CCDC69: variants seen among roughly 807,000 people sequenced by gnomAD.
The protein encoded by CCDC69 is coiled-coil domain containing 69.
Under a neutral mutation model 40.3 loss-of-function variants are expected in CCDC69, and 38 were observed. That is an observed-to-expected ratio of 0.94 (90% CI 0.73 to 1.24). The LOEUF (loss-of-function observed/expected upper bound fraction) is 1.24. Ranked by LOEUF, CCDC69 falls within the 50% of genes most tolerant of loss-of-function variation. The pLI, the probability that CCDC69 is intolerant of heterozygous loss-of-function variation, is 0.00. For synonymous variants in CCDC69, 141 were observed against 138.9 expected (o/e 1.02, Z -0.11); for missense variants, 389 against 357.9 (o/e 1.09, Z -0.70).
chr5:151,210,570 TA>T lies in CCDC69; in HGVS notation c.49-5096del, dbSNP rs1479142270. The T allele has an allele frequency of 1.3e-4, 19 of 151,796 alleles. 1 individual carries two copies. The highest frequency in any genetic ancestry group is 1.2e-3 in the Admixed American group (19 of 15,242). 9.4% of individuals were successfully genotyped at this position (151,796 alleles called of 1,614,324 possible). The stretch of plus-strand genomic sequence containing the variant: ...AAAAATAAAAAATTAAAATTAAAAT[TA>T]AAAAATAAACATATTGATTTGTAAA... On this transcript the variant is annotated intron_variant, in intron 1 of 8. Transcript: ENST00000355417.
chr5:151,187,424 G>A lies in CCDC69; in HGVS notation c.355C>T (p.Leu119Phe), dbSNP rs147336268. 5.0e-6 allele frequency: 8 copies of A among 1,614,096 alleles called. No individual in the cohort carries two copies. The South Asian group carries it at 8.8e-5, about 18-fold the overall frequency. ...RASYEQEKEA[L>F]THSFREASST... Reference sequence around the variant, plus strand: ...CTGGCCTCCCGGAAAGAGTGGGTAAGCGCTTCTTTCTCCTGTTCATATGAG... The same window carrying A: ...CTGGCCTCCCGGAAAGAGTGGGTAAACGCTTCTTTCTCCTGTTCATATGAG... The change falls in exon 5 of 9, where the codon CTT (leucine) becomes TTT (phenylalanine). Residue 119 changes from leucine to phenylalanine, a missense_variant. Leu to Phe is a conservative substitution (Grantham distance 22). Transcript: ENST00000355417.
intron 1 of CCDC69, among the ~76,000 whole-genome samples, chr5:151,220,794 C>A (rs979959112): frequency 6.3e-4 from 36 of 57,538 alleles, no homozygotes; most frequent in African/African-American, 2.3e-3. Context: ...CAGTCCCCAC[C>A]CCCCCTCCGC....
At position 151,189,053 on chromosome 5, in the gene CCDC69, AAAG is replaced by A. The variant is rs543318780; in HGVS notation, c.320-1597_320-1595del. Among the ~76,000 whole-genome samples the A allele has an allele frequency of 9.5e-4, 145 of 152,346 alleles. 1 individual carries two copies. The highest frequency in any genetic ancestry group is 3.2e-3 in the African/African-American group (133 of 41,574). The stretch of plus-strand genomic sequence containing the variant: ...TACAATACAAAATCACTCAGCCTAA[AAAG>A]AAGCAGAAGAAAAACTCCCTTGAGG... On this transcript the variant is annotated intron_variant, in intron 4 of 8. Transcript: ENST00000355417.
chr5:151,219,126 T>G (rs1405013489), intron 1 of CCDC69, among the ~76,000 whole-genome samples: 1 of 152,166 alleles, frequency 6.6e-6, no homozygotes, highest in Non-Finnish European at 1.5e-5. Context: ...AACATCTCCA[T>G]GATGGTTGGG....
chr5:151,218,337 G>A (rs1753082379), intron 1 of CCDC69, among the ~76,000 whole-genome samples: 2 of 152,136 alleles, frequency 1.3e-5, no homozygotes, highest in Non-Finnish European at 1.5e-5. Context: ...CTCCCAGTCT[G>A]GCCCTCTCCC....
chr5:151,185,230 T>A lies in CCDC69; in HGVS notation c.615+192A>T. On this transcript the variant is annotated intron_variant, in intron 7 of 8. Coordinates refer to ENST00000355417, the MANE Select transcript of CCDC69 (RefSeq NM_015621.3). ...AGCCTCAAAAGGCACAGGACTCAGA[T>A]GATAAGGAGCCACTGCTTGACCCAG... is the stretch of plus-strand genomic sequence containing the variant. The A allele has an allele frequency of 1.1e-5, 6 of 563,388 alleles. No individual in the cohort carries two copies. In the South Asian group the frequency reaches 1.1e-4, roughly 11 times the overall value. The allele number at this position is 563,388 out of a possible 1,614,324, so 34.9% of individuals were successfully genotyped here.
intron 1 of CCDC69, among the ~76,000 whole-genome samples, chr5:151,216,200 C>T (rs111669601): frequency 0.094 from 14,323 of 152,200 alleles, 733 homozygotes; most frequent in Middle Eastern, 0.14. Context: ...CTCAGGTGAT[C>T]TGCCCGCCTT....
intron 1 of CCDC69, among the ~76,000 whole-genome samples, chr5:151,223,144 C>A (rs1427890435): frequency 1.3e-5 from 2 of 152,212 alleles, no homozygotes; most frequent in South Asian, 4.1e-4. Context: ...TAGCTCCAGG[C>A]TCTGACCTTC....
intron 3 of CCDC69, among the ~76,000 whole-genome samples, chr5:151,200,327 G>A (rs945803229): frequency 6.6e-6 from 1 of 151,858 alleles, no homozygotes; most frequent in Non-Finnish European, 1.5e-5. Flanking sequence ...TTGTAGAGAC[G>A]GTGGTCTCGC....
At chr5:151,206,186 C>A (rs146225350) in intron 1 of CCDC69, among the ~76,000 whole-genome samples, 6 of 152,198 alleles carry the variant, frequency 3.9e-5, no homozygotes, top group Non-Finnish European at 8.8e-5. Context: ...CTTATAATGA[C>A]TGGTTTATTG....
chr5:151,217,719 C>T (rs925634290), intron 1 of CCDC69, among the ~76,000 whole-genome samples: 1 of 152,168 alleles, frequency 6.6e-6, no homozygotes, highest in African/African-American at 2.4e-5. Flanking sequence ...AAATTTCCCT[C>T]TTCTTGTTGG....
chr5:151,198,795 T>C (rs751840447), intron 4 of CCDC69: 8 of 476,364 alleles, frequency 1.7e-5, no homozygotes, highest in Middle Eastern at 5.5e-4. Context: ...AAAAGAAAGG[T>C]TGATGCCAGC....
chr5:151,201,683 T>C lies in CCDC69; in HGVS notation c.130A>G (p.Thr44Ala). Residue 44 changes from threonine (T) to alanine (A), a missense_variant, in exon 3 of 9, where the codon ACT becomes GCT. Physicochemically the swap from Thr to Ala is moderately conservative, Grantham distance 58. Coordinates refer to ENST00000355417, the MANE Select transcript of CCDC69 (RefSeq NM_015621.3). The part of the protein sequence containing the change: ...LGPLNGDTAI[T>A]VQLCASEEAE... ...TCCTCTGATGCACAGAGCTGGACAG[T>C]TATAGCTAGAGATGAAAAAGCAAAA... The C allele has an allele frequency of 6.3e-7, 1 of 1,598,038 alleles. No individual in the cohort carries two copies. The highest frequency in any genetic ancestry group is 8.5e-7 in the Non-Finnish European group (1 of 1,173,638).
rs558247727 is a variant in CCDC69, at chr5:151,195,198, A to G, written c.319+3799T>C. Among the ~76,000 whole-genome samples, 23 of 152,316 alleles carry G rather than the reference A, an allele frequency of 1.5e-4. No individual in the cohort carries two copies. In the South Asian group the frequency reaches 2.1e-3, roughly 14 times the overall value. ...TAGAAGAATTCTGACTAATGGGAAA[A>G]ACTCAAGACAGGCAATCTCTTCTCC... On this transcript the variant is annotated intron_variant, in intron 4 of 8. Coordinates refer to ENST00000355417, the MANE Select transcript of CCDC69 (RefSeq NM_015621.3).
chr5:151,218,093 T>C (rs1753075985), intron 1 of CCDC69, among the ~76,000 whole-genome samples: 1 of 152,160 alleles, frequency 6.6e-6, no homozygotes, highest in African/African-American at 2.4e-5. Context: ...TTAGGTATAG[T>C]ACAGTGTTTG....
chr5:151,184,667 C>T, intron 7 of CCDC69: 1 of 466,836 alleles, frequency 2.1e-6, no homozygotes. Flanking sequence ...ACAGGCCCTA[C>T]CATCTCATTT....
intron 4 of CCDC69, among the ~76,000 whole-genome samples, chr5:151,196,599 A>C (rs1191303406): frequency 6.6e-6 from 1 of 152,206 alleles, no homozygotes; most frequent in Non-Finnish European, 1.5e-5. Context: ...GAAGATACAC[A>C]AGTCACCAAG....
At chr5:151,211,761 T>C (rs191676856) in intron 1 of CCDC69, among the ~76,000 whole-genome samples, 3 of 152,194 alleles carry the variant, frequency 2.0e-5, no homozygotes, top group East Asian at 3.9e-4. Context: ...TGACTTCAAG[T>C]GATCCACCCA....
intron 2 of CCDC69, among the ~76,000 whole-genome samples, chr5:151,204,294 C>T (rs932767213): frequency 6.6e-6 from 1 of 152,172 alleles, no homozygotes; most frequent in East Asian, 1.9e-4. Flanking sequence ...CTTGGCCTCC[C>T]AAAGTGCTGG....
Sources: allele counts gnomAD v4.1 joint callset (sites outside exome capture counted in the v4.1 genomes callset), GRCh38; gene constraint gnomAD v4.1.1; transcripts MANE v1.5; gene names NCBI Gene and HGNC (gene_info 2026-07-23, HGNC 2026-07-21).